The following AKAP13 variants were observed in gnomAD, a reference collection of about 807,000 sequenced individuals.
AKAP13 encodes the protein A-kinase anchoring protein 13.
In AKAP13, 80 loss-of-function variants were observed where a neutral mutation model predicts 264.5. The observed-to-expected ratio is 0.30, with a 90% confidence interval of 0.25 to 0.36. The LOEUF is 0.36. Ranked by LOEUF, AKAP13 falls within the 10% of genes least tolerant of loss-of-function variation. The probability of loss-of-function intolerance (pLI) is 1.00; values close to 1 mark genes in which losing one functional copy is unlikely to be tolerated. For missense variants in AKAP13, 3,712 were observed against 3,435.2 expected (o/e 1.08, Z -2.01); for synonymous variants, 1,380 against 1,250.2 (o/e 1.10, Z -2.19).
chr15:85,443,828 C>T lies in AKAP13; in HGVS notation c.-11-41882C>T, dbSNP rs2073803281. On this transcript the variant is annotated intron_variant, in intron 1 of 36. Transcript: ENST00000394518. ...TTTGTGATTCTGGAGCCTGATTTTT[C>T]CTTCTTCATTTAGGAGGTATTTATG... 2.7e-5 allele frequency among the ~76,000 whole-genome samples: 4 copies of T among 150,014 alleles called. No individual in the cohort carries two copies. In the South Asian group the frequency reaches 8.4e-4, roughly 31 times the overall value.
Position 85,664,330 on chromosome 15 carries a change from T to G in AKAP13, c.4800-233T>G, listed in dbSNP as rs1011807902. ...AAGTGATCTTAGGTGGTTCAACATT[T>G]GGATAAATTTAATGCGGTAAGAAAA... On this transcript the variant is annotated intron_variant, in intron 12 of 36. Transcript: ENST00000394518. 4.6e-5 allele frequency among the ~76,000 whole-genome samples: 7 copies of G among 152,320 alleles called. No homozygotes were observed. In the East Asian group the frequency reaches 5.8e-4, roughly 13 times the overall value.
chr15:85,579,673 CTG>C lies in AKAP13; in HGVS notation c.1608_1609del (p.Ala537ProfsTer9). The part of the protein sequence containing the change: ...KPVDKISVPN[C>X]APAASSLDGN... ...CTGTGGATAAAATCAGTGTTCCAAA[CTG>C]TGCCCCTGCTGCCAGTTCCCTGGAT... On this transcript the variant is annotated frameshift_variant, in exon 7 of 37. Coordinates refer to ENST00000394518, the MANE Select transcript of AKAP13 (RefSeq NM_007200.5). LOFTEE classifies it high-confidence loss of function. The C allele has an allele frequency of 6.2e-7, 1 of 1,614,210 alleles. No homozygotes were observed. The highest frequency in any genetic ancestry group is 8.5e-7 in the Non-Finnish European group (1 of 1,180,030).
chr15:85,622,462 G>T (rs62022864), intron 8 of AKAP13, among the ~76,000 whole-genome samples: 1 of 152,122 alleles, frequency 6.6e-6, no homozygotes, highest in African/African-American at 2.4e-5. Context: ...GTAGCAGGAT[G>T]AGAAGGCCGG....
chr15:85,632,462 A>G (rs2081881988), intron 8 of AKAP13, among the ~76,000 whole-genome samples: 1 of 152,204 alleles, frequency 6.6e-6, no homozygotes, highest in South Asian at 2.1e-4. Context: ...TTTATCTTCT[A>G]AGGGTGTTTG....
chr15:85,498,210 A>ATATATG (rs2075936145), intron 2 of AKAP13, among the ~76,000 whole-genome samples: 1 of 28,310 alleles, frequency 3.5e-5, no homozygotes, highest in Admixed American at 3.1e-4. Flanking sequence ...ATATATATAT[A>ATATATG]TATATATATA....
At chr15:85,459,522 T>G (rs1010588649) in intron 1 of AKAP13, among the ~76,000 whole-genome samples, 2 of 145,374 alleles carry the variant, frequency 1.4e-5, no homozygotes, top group Admixed American at 1.4e-4. Flanking sequence ...TTTTTTGAGA[T>G]GGAGTCTCGC....
rs34514718 is a variant in AKAP13, at chr15:85,443,772, A to AGTGT, written c.-11-41917_-11-41914dup. On this transcript the variant is annotated intron_variant, in intron 1 of 36. Coordinates refer to ENST00000394518, the MANE Select transcript of AKAP13 (RefSeq NM_007200.5). ...CACTGGTTTCATGTAAAAAAAAAAA[A>AGTGT]GTGTGTGTGTGTGTGTGTGTGTGTA... Among the ~76,000 whole-genome samples the AGTGT allele has an allele frequency of 4.3e-3, 628 of 146,038 alleles. 3 individuals carry two copies. The highest frequency in any genetic ancestry group is 0.021 in the South Asian group (96 of 4,544).
At chr15:85,412,475 T>C (rs1360155272) in intron 1 of AKAP13, among the ~76,000 whole-genome samples, 1 of 152,222 alleles carries the variant, frequency 6.6e-6, no homozygotes, top group African/African-American at 2.4e-5. Flanking sequence ...CACGTTCTTA[T>C]TTTTGTTTTG....
At chr15:85,582,793 A>G in intron 7 of AKAP13, 3 of 842,062 alleles carry the variant, frequency 3.6e-6, no homozygotes, top group South Asian at 5.4e-5. Flanking sequence ...AAGACCCTGC[A>G]CAGTGCAGGG....
At chr15:85,577,746 TC>T (rs1158840685) in intron 6 of AKAP13, 1 of 915,314 alleles carries the variant, frequency 1.1e-6, no homozygotes, top group Non-Finnish European at 1.3e-6. Flanking sequence ...TTTAATATGT[TC>T]TGATTTTATC....
chr15:85,527,285 T>C (rs774116599), intron 3 of AKAP13, among the ~76,000 whole-genome samples: 3 of 152,070 alleles, frequency 2.0e-5, no homozygotes, highest in African/African-American at 7.2e-5. Flanking sequence ...TAGGAGGAAA[T>C]TATATATTTC....
At chr15:85,499,676 T>C (rs1288683374) in intron 2 of AKAP13, among the ~76,000 whole-genome samples, 1 of 151,624 alleles carries the variant, frequency 6.6e-6, no homozygotes, top group African/African-American at 2.4e-5. Flanking sequence ...CCCTAACACA[T>C]GCATAAAGAA....
In AKAP13 at chr15:85,745,466, T is replaced by C. The variant is rs2089342924; in HGVS notation, c.*789T>C. ...TCTGTCATCAGATCCAGAAGAAATA[T>C]CCTGGTTTTCCAGCATGTTTACCCA... On this transcript the variant is annotated 3_prime_UTR_variant, in exon 37 of 37. Transcript: ENST00000394518. The C allele has an allele frequency of 6.6e-6, 1 of 152,172 alleles. No homozygotes were observed. The highest frequency in any genetic ancestry group is 6.5e-5 in the Admixed American group (1 of 15,282). 9.4% of individuals were successfully genotyped at this position (152,172 alleles called of 1,614,324 possible).
chr15:85,441,378 T>G (rs1790052444), intron 1 of AKAP13, among the ~76,000 whole-genome samples: 1 of 152,178 alleles, frequency 6.6e-6, no homozygotes, highest in African/African-American at 2.4e-5. Flanking sequence ...GAGTTCTTTA[T>G]ATATCCTGGA....
Position 85,718,926 on chromosome 15 carries a change from G to A in AKAP13, c.6002-150G>A, listed in dbSNP as rs528313032. 5.9e-5 allele frequency: 66 copies of A among 1,111,806 alleles called. No homozygotes were observed. The highest frequency in any genetic ancestry group is 5.8e-4 in the African/African-American group (37 of 63,490). 68.9% of individuals were successfully genotyped at this position (1,111,806 alleles called of 1,614,324 possible). A position where few individuals can be genotyped will look rare whatever the true frequency, so the allele number is the denominator to read the frequency against. The stretch of plus-strand genomic sequence containing the variant: ...AAAAAAAACAAAAAAACAAAAAAAC[G>A]AGAACACTTTTAGGGGAAAGATAGC... On this transcript the variant is annotated intron_variant, in intron 22 of 36. Transcript: ENST00000394518. The surrounding 1 kb of genome is among the most constrained non-coding windows in gnomAD (Gnocchi z 4.9).
intron 1 of AKAP13, among the ~76,000 whole-genome samples, chr15:85,410,998 C>A (rs1016256744): frequency 1.3e-5 from 2 of 148,542 alleles, no homozygotes; most frequent in African/African-American, 5.3e-5. Context: ...TTCATTGATC[C>A]TATAACATTG....
intron 8 of AKAP13, 107 bp downstream of exon 8, chr15:85,585,930 T>C (rs1421810109): frequency 1.4e-6 from 2 of 1,427,122 alleles, no homozygotes; most frequent in African/African-American, 2.8e-5. Flanking sequence ...GGCAAAATAG[T>C]ATTTTCCCCC....
At chr15:85,417,417 G>A (rs975044347) in intron 1 of AKAP13, among the ~76,000 whole-genome samples, 4 of 152,174 alleles carry the variant, frequency 2.6e-5, no homozygotes, top group Non-Finnish European at 4.4e-5. Flanking sequence ...AGCAATGGGC[G>A]TTTAAGTTAG....
intron 8 of AKAP13, among the ~76,000 whole-genome samples, chr15:85,623,213 T>C (rs2081270427): frequency 6.6e-6 from 1 of 152,236 alleles, no homozygotes; most frequent in African/African-American, 2.4e-5. Context: ...CTAAGGAGTT[T>C]GTCATTTTTA....
Sources: gnomAD v4.1 joint callset for allele counts (sites outside exome capture counted in the v4.1 genomes callset) on GRCh38, gnomAD v4.1.1 for gene constraint, Gnocchi (gnomAD v3.1) non-coding constraint, MANE v1.5 for transcripts, NCBI Gene and HGNC (gene_info 2026-07-23, HGNC 2026-07-21) for gene names.